MYO5B: variants seen among roughly 807,000 people sequenced by gnomAD.
MYO5B encodes unconventional myosin-Vb.
Under a neutral mutation model 229.3 loss-of-function variants are expected in MYO5B, and 143 were observed. The ratio of observed to expected loss-of-function variants is 0.62; its 90% CI spans 0.54 to 0.72. The LOEUF (loss-of-function observed/expected upper bound fraction) is 0.72, where lower values mean the gene tolerates loss of function less well. MYO5B is among the 30% of genes least tolerant of loss of function. MYO5B has a pLI of 0.00. For missense variants in MYO5B, 2,321 were observed against 2,331.0 expected (o/e 1.00, Z 0.09); for synonymous variants, 918 against 885.2 (o/e 1.04, Z -0.66).
intron 39 of MYO5B, among the ~76,000 whole-genome samples, chr18:49,832,240 T>A (rs537024513): frequency 9.2e-5 from 14 of 152,310 alleles, no homozygotes; most frequent in African/African-American, 3.4e-4. Context: ...AGAGTACCCT[T>A]CTGATAAGGT....
chr18:50,083,944 T>C lies in MYO5B; in HGVS notation c.28-28566A>G, dbSNP rs1055856947. Among the ~76,000 whole-genome samples, 4 of 152,226 alleles carry C rather than the reference T, an allele frequency of 2.6e-5. No individual in the cohort carries two copies. In the East Asian group the frequency reaches 7.7e-4, roughly 29 times the overall value. ...CACCCAAACTGCCACAGAAGTTTCA[T>C]AGTAAGACCCTAGCGTCAGAATGGT... On this transcript the variant is annotated intron_variant, in intron 1 of 39. Transcript: ENST00000285039.
intron 1 of MYO5B, among the ~76,000 whole-genome samples, chr18:50,141,233 A>T (rs2144286525): frequency 6.6e-6 from 1 of 152,360 alleles, no homozygotes; most frequent in South Asian, 2.1e-4. Context: ...CCATGGCAAC[A>T]CCCAGGAGTC....
chr18:50,115,663 T>C (rs376421851), intron 1 of MYO5B, among the ~76,000 whole-genome samples: 5 of 152,098 alleles, frequency 3.3e-5, no homozygotes, highest in Middle Eastern at 3.2e-3. Context: ...TAATGATTAG[T>C]ATGACTTCAG....
intron 31 of MYO5B, among the ~76,000 whole-genome samples, chr18:49,852,477 C>T (rs1028426002): frequency 1.3e-5 from 2 of 152,192 alleles, no homozygotes. Flanking sequence ...TGCTATTCAG[C>T]TGTGAGTCTG....
Position 49,936,290 on chromosome 18 carries a change from G to A in MYO5B, c.1965C>T (p.Val655=), listed in dbSNP as rs2025249284. ...TCTCATCGTTGGGCTTGATGCAGCG[G>A]ACATAGTGAGGTGTCGTGGCATTCA... ...ETLNATTPHY[V]RCIKPNDEKL... The change falls in exon 16 of 40, where the codon GTC becomes GTT. Residue 655 remains valine (V), a synonymous_variant. Coordinates refer to ENST00000285039, the MANE Select transcript of MYO5B (RefSeq NM_001080467.3). 6.2e-7 allele frequency: 1 copy of A among 1,604,104 alleles called. No individual in the cohort carries two copies. Among genetic ancestry groups the A allele is most frequent in the Non-Finnish European group, 8.5e-7 (1 of 1,174,826 alleles).
At chr18:49,833,093 T>C (rs75996295) in intron 39 of MYO5B, among the ~76,000 whole-genome samples, 3 of 152,308 alleles carry the variant, frequency 2.0e-5, no homozygotes, top group African/African-American at 7.2e-5. Context: ...CCTAAAGGGT[T>C]TGAAGAAATT....
At chr18:49,957,933 C>A (rs3901040) in intron 12 of MYO5B, among the ~76,000 whole-genome samples, 11 of 151,978 alleles carry the variant, frequency 7.2e-5, no homozygotes, top group African/African-American at 1.2e-4. Flanking sequence ...CCAGCTGGCC[C>A]CCCCCAGGAC....
intron 27 of MYO5B, among the ~76,000 whole-genome samples, chr18:49,870,339 T>C (rs2024443257): frequency 6.6e-6 from 1 of 152,306 alleles, no homozygotes; most frequent in East Asian, 1.9e-4. Context: ...TGTAAAACTC[T>C]CAGAAGAAAA....
chr18:50,194,078 A>G (rs2033264890), intron 1 of MYO5B, among the ~76,000 whole-genome samples: 1 of 152,090 alleles, frequency 6.6e-6, no homozygotes, highest in Non-Finnish European at 1.5e-5. Flanking sequence ...CTTTGTACCA[A>G]AGAGGCCGCG....
At position 49,980,390 on chromosome 18, in the gene MYO5B, A is replaced by AAGCTGT. The variant is rs149688673; in HGVS notation, c.1056+53_1056+54insACAGCT. On this transcript the variant is annotated intron_variant, in intron 9 of 39. Transcript: ENST00000285039. ...TGGAAAGACACATTTCAGTCATATC[A>AAGCTGT]AAGAACAGGGTAAATTGTGTTCATT... 6,213 of 1,282,318 alleles carry AAGCTGT rather than the reference A, an allele frequency of 4.8e-3. 194 individuals are homozygous for AAGCTGT. The African/African-American group carries it at 0.077, about 16-fold the overall frequency. The allele number at this position is 1,282,318 out of a possible 1,614,324, so 79.4% of individuals were successfully genotyped here.
intron 1 of MYO5B, among the ~76,000 whole-genome samples, chr18:50,178,003 G>C (rs2033021037): frequency 6.6e-6 from 1 of 152,148 alleles, no homozygotes; most frequent in African/African-American, 2.4e-5. Flanking sequence ...AGCACTTATT[G>C]CACTGTAATC....
rs1017616483 is a variant in MYO5B at position 49,880,284 on chromosome 18, C to T, written c.3130+87G>A. 3.5e-6 allele frequency: 4 copies of T among 1,127,144 alleles called. No homozygotes were observed. In the East Asian group the frequency reaches 7.0e-5, roughly 20 times the overall value. 69.8% of individuals were successfully genotyped at this position (1,127,144 alleles called of 1,614,324 possible). On this transcript the variant is annotated intron_variant, in intron 23 of 39. Coordinates refer to ENST00000285039, the MANE Select transcript of MYO5B (RefSeq NM_001080467.3). Reference sequence around the variant, plus strand: ...TTCCCCACTGTAGCCTCTAGTCTAACTGCATGCTTGCTAGGAGTCTTTGGG... The same window carrying T: ...TTCCCCACTGTAGCCTCTAGTCTAATTGCATGCTTGCTAGGAGTCTTTGGG...
chr18:50,194,549 C>A (rs1235744972), intron 1 of MYO5B, among the ~76,000 whole-genome samples: 1 of 152,196 alleles, frequency 6.6e-6, no homozygotes, highest in Non-Finnish European at 1.5e-5. Flanking sequence ...CCTCTAGGAG[C>A]CGGGTGGCCG....
intron 22 of MYO5B, among the ~76,000 whole-genome samples, chr18:49,884,634 G>A (rs1025433185): frequency 4.6e-5 from 7 of 152,064 alleles, no homozygotes; most frequent in Non-Finnish European, 8.8e-5. Context: ...AGTGGGGAGC[G>A]GCTGTAAATA....
chr18:50,050,322 C>T (rs2030358117), intron 2 of MYO5B, among the ~76,000 whole-genome samples: 1 of 152,136 alleles, frequency 6.6e-6, no homozygotes, highest in Non-Finnish European at 1.5e-5. Flanking sequence ...TTAAGTTGCA[C>T]TGAGTACACA....
At chr18:49,925,151 C>T (rs1285930259) in intron 17 of MYO5B, among the ~76,000 whole-genome samples, 4 of 152,218 alleles carry the variant, frequency 2.6e-5, no homozygotes, top group African/African-American at 7.2e-5. Context: ...TGATAAGAAA[C>T]ATTTATAATC....
chr18:50,074,395 T>A (rs2144455099), intron 1 of MYO5B, among the ~76,000 whole-genome samples: 1 of 152,300 alleles, frequency 6.6e-6, no homozygotes, highest in South Asian at 2.1e-4. Flanking sequence ...AGTCAGAGCA[T>A]CATTTTGAAA....
In MYO5B at chr18:49,902,795, G is replaced by A. The variant is rs566021600; in HGVS notation, c.2610C>T (p.His870=). The A allele has an allele frequency of 2.3e-5, 37 of 1,602,498 alleles. No individual in the cohort carries two copies. Among genetic ancestry groups the A allele is most frequent in the South Asian group, 4.4e-5 (4 of 91,070 alleles). The change falls in exon 21 of 40, where the codon CAC becomes CAT. Residue 870 remains histidine (H), a synonymous_variant. Transcript: ENST00000285039. ...MEHKATTIQK[H]VRGWMARRHF... ...GCCTGCGTGCCATCCAGCCCCGCAC[G>A]TGCTTCTGGATGGTGGTGGCCTTGT...
chr18:50,000,129 A>G (rs1810797992), intron 5 of MYO5B, among the ~76,000 whole-genome samples: 1 of 152,178 alleles, frequency 6.6e-6, no homozygotes, highest in African/African-American at 2.4e-5. Context: ...GACTCAATTT[A>G]TGCCTGCACT....
Sources: gnomAD v4.1 joint callset for allele counts (sites outside exome capture counted in the v4.1 genomes callset) on GRCh38, gnomAD v4.1.1 for gene constraint, MANE v1.5 for transcripts, NCBI Gene and HGNC (gene_info 2026-07-23, HGNC 2026-07-21) for gene names.